Variants in WWP1 observed in about 807,000 individuals in gnomAD.
The protein encoded by WWP1 is WW domain containing E3 ubiquitin protein ligase 1.
In WWP1, 49 loss-of-function variants were observed where a neutral mutation model predicts 130.6. The observed-to-expected ratio is 0.38, with a 90% CI of 0.30 to 0.48. The LOEUF is 0.48. Among genes scored for constraint, WWP1 ranks in the 20% least tolerant of loss-of-function variants. WWP1 has a pLI of 0.99. For synonymous variants in WWP1, 332 were observed against 367.8 expected (o/e 0.90, Z 1.11); for missense variants, 809 against 1,100.6 (o/e 0.74, Z 3.75).
At chr8:86,412,558 A>G (rs1277142378) in intron 9 of WWP1, among the ~76,000 whole-genome samples, 1 of 152,218 alleles carries the variant, frequency 6.6e-6, no homozygotes, top group Non-Finnish European at 1.5e-5. Flanking sequence ...ACAGTCAGAA[A>G]GTATATATGG....
chr8:86,353,914 C>A (rs1294347629), intron 1 of WWP1, among the ~76,000 whole-genome samples: 1 of 152,196 alleles, frequency 6.6e-6, no homozygotes, highest in Non-Finnish European at 1.5e-5. Flanking sequence ...GAATACCGAA[C>A]AGAACGTATA....
At chr8:86,362,165 T>TATATATATATATATATATATATAAGGC (rs1823690483) in intron 1 of WWP1, among the ~76,000 whole-genome samples, 4 of 32,022 alleles carry the variant, frequency 1.2e-4, no homozygotes, top group African/African-American at 2.8e-4. Flanking sequence ...ATACAAGGCA[T>TATATATATATATATATATATATAAGGC]ATATATATAT....
At chr8:86,389,714 C>T (rs1054465487) in intron 5 of WWP1, among the ~76,000 whole-genome samples, 1 of 152,196 alleles carries the variant, frequency 6.6e-6, no homozygotes, top group Non-Finnish European at 1.5e-5. Flanking sequence ...GGGCTCCTCA[C>T]TTCCCAGACG....
intron 22 of WWP1, 63 bp downstream of exon 22, chr8:86,458,088 T>C: frequency 7.4e-7 from 1 of 1,356,968 alleles, no homozygotes; most frequent in Non-Finnish European, 1.0e-6. Flanking sequence ...AATGGTGGTT[T>C]TAAAAATAGC....
chr8:86,419,285 G>A (rs747277527), intron 9 of WWP1, among the ~76,000 whole-genome samples: 3 of 152,136 alleles, frequency 2.0e-5, no homozygotes, highest in Non-Finnish European at 2.9e-5. Context: ...AGGCATGGTG[G>A]CACGCGCCTG....
chr8:86,387,617 A>G (rs1352971058), intron 5 of WWP1, among the ~76,000 whole-genome samples: 3 of 151,962 alleles, frequency 2.0e-5, no homozygotes, highest in Admixed American at 6.6e-5. Context: ...GGTTCAAGCA[A>G]TTCTCCCACC....
chr8:86,389,822 C>T (rs1228199167), intron 5 of WWP1, among the ~76,000 whole-genome samples: 10 of 149,846 alleles, frequency 6.7e-5, no homozygotes, highest in East Asian at 4.2e-4. Flanking sequence ...GGGCGGCTGG[C>T]GGGGTGGGGG....
intron 9 of WWP1, among the ~76,000 whole-genome samples, chr8:86,415,919 A>G (rs188617102): frequency 6.6e-6 from 1 of 152,240 alleles, no homozygotes. Flanking sequence ...TGCCTACCGT[A>G]TAGCAGGCAC....
chr8:86,418,290 A>G (rs1406993244), intron 9 of WWP1, among the ~76,000 whole-genome samples: 2 of 152,204 alleles, frequency 1.3e-5, no homozygotes, highest in African/African-American at 4.8e-5. Context: ...ATGGTCTAAT[A>G]TATAGGTCTC....
At chr8:86,402,316 C>T (rs1370791868) in intron 8 of WWP1, 113 bp downstream of exon 8, 1 of 1,314,762 alleles carries the variant, frequency 7.6e-7, no homozygotes, top group Non-Finnish European at 1.0e-6. Context: ...GACGGAGTCT[C>T]GCTCTGTCAC....
intron 14 of WWP1, among the ~76,000 whole-genome samples, chr8:86,433,229 CTTTTTTT>C (rs11321240): frequency 1.7e-5 from 2 of 119,048 alleles, no homozygotes; most frequent in Non-Finnish European, 3.5e-5. Context: ...TCCTAAGCCT[CTTTTTTT>C]TTTTTTTTTT....
Position 86,381,487 on chromosome 8 carries a change from A to C in WWP1, c.210-18A>C. 6.3e-7 allele frequency: 1 copy of C among 1,598,480 alleles called. No homozygotes were observed. The highest frequency in any genetic ancestry group is 8.5e-7 in the Non-Finnish European group (1 of 1,176,628). ...AACGTCTACTCCTGTATTTTTGTTA[A>C]TAATTTTACCCTTCCAGAAATGTTA... is the stretch of plus-strand genomic sequence containing the variant. On this transcript the variant is annotated intron_variant, in intron 4 of 24. Coordinates refer to ENST00000517970, the MANE Select transcript of WWP1 (RefSeq NM_007013.4).
chr8:86,405,927 G>T lies in WWP1; in HGVS notation c.724+3724G>T, dbSNP rs1220768220. ...TAGGAATTGTGGGTCAATACTAAGG[G>T]GTTTAAGACAAACGATATATTTCTG... On this transcript the variant is annotated intron_variant, in intron 8 of 24. Coordinates refer to ENST00000517970, the MANE Select transcript of WWP1 (RefSeq NM_007013.4). 5.3e-5 allele frequency among the ~76,000 whole-genome samples: 8 copies of T among 152,040 alleles called. 1 individual carries two copies. The highest frequency in any genetic ancestry group is 1.9e-4 in the African/African-American group (8 of 41,380).
chr8:86,362,202 A>G (rs1179489023), intron 1 of WWP1, among the ~76,000 whole-genome samples: 1 of 130,410 alleles, frequency 7.7e-6, no homozygotes, highest in East Asian at 2.2e-4. Flanking sequence ...ATATATATAT[A>G]CTGGAAAACT....
At chr8:86,424,021 G>A (rs1464426163) in intron 9 of WWP1, among the ~76,000 whole-genome samples, 14 of 143,792 alleles carry the variant, frequency 9.7e-5, no homozygotes, top group Middle Eastern at 4.0e-3. Context: ...GGCAGCTGCC[G>A]GGCGGAGACG....
intron 1 of WWP1, among the ~76,000 whole-genome samples, chr8:86,362,279 T>TC (rs1269734734): frequency 2.0e-5 from 3 of 147,714 alleles, no homozygotes; most frequent in African/African-American, 7.5e-5. Context: ...TTTTTTTTTT[T>TC]CACATGGTAA....
intron 1 of WWP1, among the ~76,000 whole-genome samples, chr8:86,343,649 G>A (rs1822378296): frequency 6.6e-6 from 1 of 152,008 alleles, no homozygotes; most frequent in South Asian, 2.1e-4. Context: ...TGCCGATTTG[G>A]AGTTTTCTCT....
chr8:86,419,625 A>T (rs1490997256), intron 9 of WWP1, among the ~76,000 whole-genome samples: 1 of 152,238 alleles, frequency 6.6e-6, no homozygotes, highest in East Asian at 1.9e-4. Flanking sequence ...AGACAGTCTG[A>T]TAAGAAAAGT....
At chr8:86,453,695 C>A (rs1251754785) in intron 21 of WWP1, among the ~76,000 whole-genome samples, 1 of 152,066 alleles carries the variant, frequency 6.6e-6, no homozygotes, top group Non-Finnish European at 1.5e-5. Context: ...TCTTTCCCAA[C>A]ATTTATTTTC....
Sources: gnomAD v4.1 joint callset for allele counts (sites outside exome capture counted in the v4.1 genomes callset) on GRCh38, gnomAD v4.1.1 for gene constraint, MANE v1.5 for transcripts, NCBI Gene and HGNC (gene_info 2026-07-23, HGNC 2026-07-21) for gene names.